Variants in ABCB6 observed in about 807,000 individuals in gnomAD.
ABCB6 encodes ATP-binding cassette sub-family B member 6.
A neutral mutation model predicts 99.4 loss-of-function variants in ABCB6; 87 were observed. The observed-to-expected ratio is 0.88, with a 90% CI of 0.74 to 1.05. The LOEUF (loss-of-function observed/expected upper bound fraction) is 1.05, where lower values mean the gene tolerates loss of function less well. Among genes scored for constraint, ABCB6 ranks in the 50% least tolerant of loss-of-function variants. ABCB6 has a pLI of 0.00. For synonymous variants in ABCB6, 482 were observed against 447.5 expected, an observed-to-expected ratio of 1.08 and a Z score of -0.97; for missense variants, 1,050 against 1,097.9, an observed-to-expected ratio of 0.96 and a Z score of 0.62.
Position 219,210,306 on chromosome 2 carries a change from G to GTCAAAGA in ABCB6, c.2352-15_2352-9dup. Reference sequence around the variant, plus strand: ...TTGACCACAGTTGAGAGCCTGAGAAGTCAAAGATCAGTCGCCTACTACCCC... The same window carrying GTCAAAGA: ...TTGACCACAGTTGAGAGCCTGAGAAGTCAAAGATCAAAGATCAGTCGCCTACTACCCC... On this transcript the variant is annotated splice_polypyrimidine_tract_variant and intron_variant, in intron 17 of 18. Coordinates refer to ENST00000265316, the MANE Select transcript of ABCB6 (RefSeq NM_005689.4). The GTCAAAGA allele has an allele frequency of 1.2e-6, 2 of 1,614,226 alleles. No homozygotes were observed. Among genetic ancestry groups the GTCAAAGA allele is most frequent in the Non-Finnish European group, 1.7e-6 (2 of 1,180,052 alleles).
chr2:219,210,823 C>T lies in ABCB6; in HGVS notation c.2144G>A (p.Gly715Glu), dbSNP rs780340410. 16 of 1,613,734 alleles carry T rather than the reference C, an allele frequency of 9.9e-6. No homozygotes were observed. In the South Asian group the frequency reaches 1.8e-4, roughly 18 times the overall value. Reference sequence around the variant, plus strand: ...CCGCTCGCCCACCTGTGTCCTGTACCCTGTGGATATTACCCACCACACGTT... The same window carrying T: ...CCGCTCGCCCACCTGTGTCCTGTACTCTGTGGATATTACCCACCACACGTT... ...IHDAIMAFPE[G>E]YRTQVGERGL... The change falls in exon 16 of 19, where the codon GGG becomes GAG. Residue 715 changes from glycine to glutamate, a missense_variant and splice_region_variant. By Grantham distance (98) the Gly-to-Glu change is moderately conservative. Transcript: ENST00000265316.
chr2:219,218,382 C>G lies in ABCB6; in HGVS notation c.292G>C (p.Ala98Pro). The G allele has an allele frequency of 6.2e-7, 1 of 1,612,548 alleles. No individual in the cohort carries two copies. The highest frequency in any genetic ancestry group is 8.5e-7 in the Non-Finnish European group (1 of 1,179,724). ...LAGLAGRVGT[A>P]RGAPLPSYLL... ...TAGCTTGGCAGTGGGGCCCCCCGGG[C>G]AGTGCCCACCCGGCCAGCCAGGCCG... Residue 98 changes from alanine to proline, a missense_variant, in exon 1 of 19, where the codon GCC becomes CCC. Coordinates refer to ENST00000265316, the MANE Select transcript of ABCB6 (RefSeq NM_005689.4).
chr2:219,216,333 CCT>C lies in ABCB6; in HGVS notation c.970+29_970+30del. 1 of 1,604,300 alleles carries C rather than the reference CCT, an allele frequency of 6.2e-7. No individual in the cohort carries two copies. Among genetic ancestry groups the C allele is most frequent in the Non-Finnish European group, 8.5e-7 (1 of 1,171,318 alleles). ...GGAATGCCTGTGGGAGGGACCTATA[CCT>C]AGCAGGGTGAGGGCGGAGTCTCTCA... is the stretch of plus-strand genomic sequence containing the variant. On this transcript the variant is annotated intron_variant, in intron 4 of 18. Transcript: ENST00000265316. The surrounding 1 kb of genome is among the most constrained non-coding windows in gnomAD (Gnocchi z 4.2).
chr2:219,217,349 T>C (rs961029694), intron 2 of ABCB6, among the ~76,000 whole-genome samples: 5 of 146,694 alleles, frequency 3.4e-5, no homozygotes, highest in Non-Finnish European at 6.0e-5. Flanking sequence ...AGATTCCGTC[T>C]TAAAAACAAA....
At position 219,216,037 on chromosome 2, in the gene ABCB6, T is replaced by A; in HGVS notation, c.1114A>T (p.Ile372Phe). 1 of 1,603,846 alleles carries A rather than the reference T, an allele frequency of 6.2e-7. No individual in the cohort carries two copies. Among genetic ancestry groups the A allele is most frequent in the Non-Finnish European group, 8.5e-7 (1 of 1,174,098 alleles). The change falls in exon 5 of 19, where the codon ATC becomes TTC. Residue 372 changes from isoleucine (I) to phenylalanine (F), a missense_variant. Transcript: ENST00000265316. This position sits in a 1 kb window ranked among gnomAD's most constrained non-coding sequence, Gnocchi z 4.2. ...LGRRTGEVLR[I>F]ADRGTSSVTG... Reference sequence around the variant, plus strand: ...ACACTGGATGTGCCCCGATCCGCGATCCGCAGCACCTCCCCTGTGCGGCGC... The same window carrying A: ...ACACTGGATGTGCCCCGATCCGCGAACCGCAGCACCTCCCCTGTGCGGCGC...
Position 219,218,507 on chromosome 2 carries a change from G to A in ABCB6, c.167C>T (p.Pro56Leu). 2.5e-6 allele frequency: 4 copies of A among 1,609,250 alleles called. No homozygotes were observed. The highest frequency in any genetic ancestry group is 3.4e-6 in the Non-Finnish European group (4 of 1,178,398). ...CCAAGACAGCGAATCAGCACCAGCGGGCCGCTCCCGGCGTCTGCAGGGAAG... is the reference window on the plus strand; with the variant it reads ...CCAAGACAGCGAATCAGCACCAGCGAGCCGCTCCCGGCGTCTGCAGGGAAG... ...LALPCRRRER[P>L]AGADSLSWGA... Residue 56 changes from proline to leucine, a missense_variant, in exon 1 of 19, where the codon CCC becomes CTC. Transcript: ENST00000265316.
At position 219,213,312 on chromosome 2, in the gene ABCB6, A is replaced by G. The variant is rs770668401; in HGVS notation, c.1734T>C (p.Pro578=). Residue 578 remains proline, a synonymous_variant, in exon 12 of 19, where the codon CCT becomes CCC. Coordinates refer to ENST00000265316, the MANE Select transcript of ABCB6 (RefSeq NM_005689.4). The part of the protein sequence containing the change: ...LKEETEVKDL[P]GAGPLRFQKG... ...TCTGAAAGCGAAGGGGCCCTGCTCC[A>G]GGAAGGTCCTTCACCTGGAAGGGCA... 1.2e-6 allele frequency: 2 copies of G among 1,614,130 alleles called. No individual in the cohort carries two copies. The highest frequency in any genetic ancestry group is 1.7e-6 in the Non-Finnish European group (2 of 1,180,030).
intron 14 of ABCB6, 114 bp from the exon 15 acceptor site, chr2:219,211,222 CA>C: frequency 9.0e-7 from 1 of 1,108,528 alleles, no homozygotes; most frequent in Non-Finnish European, 1.3e-6. Flanking sequence ...ATCCCACCAT[CA>C]CTGCCCCATA....
Position 219,213,238 on chromosome 2 carries a change from C to A in ABCB6, c.1805+3G>T. 6.2e-7 allele frequency: 1 copy of A among 1,614,136 alleles called. No homozygotes were observed. The highest frequency in any genetic ancestry group is 8.5e-7 in the Non-Finnish European group (1 of 1,180,010). ...AGCAAAGGAAGCAAAAGGAAGGCCT[C>A]ACCCATCGGCATAGCTGAAGTGCAC... On this transcript the variant is annotated splice_donor_region_variant and intron_variant, in intron 12 of 18. Transcript: ENST00000265316.
chr2:219,215,615 T>C, intron 5 of ABCB6: 1 of 172,832 alleles, frequency 5.8e-6, no homozygotes, highest in Non-Finnish European at 1.2e-5. Flanking sequence ...CTGGTGCACA[T>C]CTGTAATCCC....
chr2:219,211,637 T>G (rs1417974987), intron 14 of ABCB6, among the ~76,000 whole-genome samples: 124 of 141,736 alleles, frequency 8.7e-4, no homozygotes, highest in African/African-American at 3.0e-3. Context: ...TTTTTTTTTT[T>G]TTTTGTTTTG....
rs775976855 is a variant in ABCB6, at chr2:219,210,304, A to G, written c.2352-6T>C. The G allele has an allele frequency of 2.8e-5, 45 of 1,614,186 alleles. No homozygotes were observed. Among genetic ancestry groups the G allele is most frequent in the Non-Finnish European group, 3.8e-5 (45 of 1,180,022 alleles). Reference sequence around the variant, plus strand: ...CATTGACCACAGTTGAGAGCCTGAGAAGTCAAAGATCAGTCGCCTACTACC... The same window carrying G: ...CATTGACCACAGTTGAGAGCCTGAGGAGTCAAAGATCAGTCGCCTACTACC... On this transcript the variant is annotated splice_polypyrimidine_tract_variant and splice_region_variant and intron_variant, in intron 17 of 18. Transcript: ENST00000265316.
At chr2:219,215,223 G>C (rs944010488) in intron 5 of ABCB6, 141 bp from the exon 6 acceptor site, 18 of 1,071,354 alleles carry the variant, frequency 1.7e-5, no homozygotes, top group African/African-American at 9.6e-5. Context: ...CAAGAGGTGG[G>C]TGGCTAAATC....
At chr2:219,217,288 G>A (rs1183583757) in intron 2 of ABCB6, among the ~76,000 whole-genome samples, 1 of 151,956 alleles carries the variant, frequency 6.6e-6, no homozygotes, top group African/African-American at 2.4e-5. Context: ...GAGGCAGAGG[G>A]TGCAGTGAGC....
chr2:219,213,646 A>AAAG lies in ABCB6; in HGVS notation c.1596_1598dup (p.Phe533dup). On this transcript the variant is annotated inframe_insertion, in exon 10 of 19. Coordinates refer to ENST00000265316, the MANE Select transcript of ABCB6 (RefSeq NM_005689.4). ...TGTACAGCTGGATAATGTAGGTGCC[A>AAAG]AAGAGCACATAGTCCCCAACCTGTG... The AAAG allele has an allele frequency of 6.2e-7, 1 of 1,614,204 alleles. No homozygotes were observed. The highest frequency in any genetic ancestry group is 8.5e-7 in the Non-Finnish European group (1 of 1,180,042).
chr2:219,214,039 A>G (rs1950609951), intron 8 of ABCB6, 82 bp downstream of exon 8: 2 of 1,612,288 alleles, frequency 1.2e-6, no homozygotes, highest in Admixed American at 3.3e-5. Flanking sequence ...TTCTACCCCA[A>G]CACTCGACTA....
intron 6 of ABCB6, 36 bp from the exon 7 acceptor site, chr2:219,214,534 T>C: frequency 6.8e-7 from 1 of 1,465,990 alleles, no homozygotes; most frequent in Non-Finnish European, 9.6e-7. Context: ...GAATAGGACA[T>C]CATCCCCAAA....
At position 219,218,303 on chromosome 2, in the gene ABCB6, A is replaced by AGCCACAG. The variant is rs757164879; in HGVS notation, c.364_370dup (p.Leu124ProfsTer40). 3 of 1,613,200 alleles carry AGCCACAG rather than the reference A, an allele frequency of 1.9e-6. No individual in the cohort carries two copies. Among genetic ancestry groups the AGCCACAG allele is most frequent in the African/African-American group, 1.3e-5 (1 of 74,948 alleles). ...TGCCTGGCTCCGCTCCACGACAAGCAGCCACAGGCCACAGGCGCCGGCCAG... is the reference window on the plus strand; with the variant it reads ...TGCCTGGCTCCGCTCCACGACAAGCAGCCACAGGCCACAGGCCACAGGCGCCGGCCAG... On this transcript the variant is annotated frameshift_variant, in exon 1 of 19. Coordinates refer to ENST00000265316, the MANE Select transcript of ABCB6 (RefSeq NM_005689.4). LOFTEE classifies it high-confidence loss of function.
In ABCB6 at chr2:219,214,402, A is replaced by G; in HGVS notation, c.1373T>C (p.Leu458Pro). ...ATRARAVDSL[L>P]NFETVKYYNA... ...GCCCTCTGTTACCGTCTCGAAGTTT[A>G]GCAGAGAGTCCACTGCTCGTGCCCG... The change falls in exon 7 of 19, where the codon CTA becomes CCA. Residue 458 changes from leucine (L) to proline (P), a missense_variant. Transcript: ENST00000265316. 6.2e-7 allele frequency: 1 copy of G among 1,614,102 alleles called. No homozygotes were observed.
Sources: gnomAD v4.1 joint callset for allele counts (sites outside exome capture counted in the v4.1 genomes callset) on GRCh38, gnomAD v4.1.1 for gene constraint, Gnocchi (gnomAD v3.1) non-coding constraint, MANE v1.5 for transcripts, NCBI Gene and HGNC (gene_info 2026-07-23, HGNC 2026-07-21) for gene names.